LRR1: variants seen among roughly 807,000 people sequenced by gnomAD.
LRR1 encodes leucine rich repeat protein 1.
LRR1 carries 29 observed loss-of-function variants against 31.6 expected under a neutral mutation model. The observed-to-expected ratio is 0.92, with a 90% CI of 0.68 to 1.25. The LOEUF (loss-of-function observed/expected upper bound fraction) is 1.25. Among genes scored for constraint, LRR1 ranks in the 50% most tolerant of loss-of-function variants. The probability of loss-of-function intolerance (pLI) is 0.00; values close to 1 mark genes in which losing one functional copy is unlikely to be tolerated. For missense variants in LRR1, 485 were observed against 487.2 expected (o/e 1.00, Z 0.04); for synonymous variants, 179 against 181.4 (o/e 0.99, Z 0.10).
chr14:49,608,933 G>A, intron 3 of LRR1, among the ~76,000 whole-genome samples: 1 of 118,642 alleles, frequency 8.4e-6, no homozygotes, highest in South Asian at 2.7e-4. Flanking sequence ...TTTTGAGATG[G>A]AGTCTCACTC....
intron 3 of LRR1, chr14:49,612,514 A>C (rs1226957290): frequency 8.0e-7 from 1 of 1,254,104 alleles, no homozygotes. Context: ...TGTGGGAGAC[A>C]CTCCCTGGCA....
At chr14:49,599,878 CGCGGCGTGGA>C (rs1381305070) in intron 1 of LRR1, 2 of 597,468 alleles carry the variant, frequency 3.3e-6, no homozygotes, top group Non-Finnish European at 4.7e-6. Context: ...GGGGCGGCCC[CGCGGCGTGGA>C]GCGGCGGCGA....
rs541452211 is a variant in LRR1 at position 49,602,189 on chromosome 14, G to T, written c.184-181G>T. Among the ~76,000 whole-genome samples, 30 of 83,616 alleles carry T rather than the reference G, an allele frequency of 3.6e-4. 1 individual carries two copies. The highest frequency in any genetic ancestry group is 1.3e-3 in the African/African-American group (28 of 20,834). 54.9% of individuals were successfully genotyped at this position (83,616 alleles called of 152,430 possible). A position where few individuals can be genotyped will look rare whatever the true frequency, so the allele number is the denominator to read the frequency against. ...TTTTGAGAAGGAGTCTCTTTCTGTT[G>T]CCCAGCCTGGAGTGCAGTGGCGTGA... is the stretch of plus-strand genomic sequence containing the variant. On this transcript the variant is annotated intron_variant, in intron 1 of 3. Transcript: ENST00000298288.
intron 1 of LRR1, chr14:49,601,568 C>T: frequency 3.2e-6 from 4 of 1,238,020 alleles, no homozygotes; most frequent in Non-Finnish European, 4.2e-6. Flanking sequence ...GCAAAGGAGA[C>T]AAGATTCCTG....
Position 49,608,042 on chromosome 14 carries a change from C to T in LRR1, c.925C>T (p.Pro309Ser), listed in dbSNP as rs746681808. 5.6e-6 allele frequency: 9 copies of T among 1,612,120 alleles called. No homozygotes were observed. Among genetic ancestry groups the T allele is most frequent in the Non-Finnish European group, 6.8e-6 (8 of 1,179,364 alleles). Residue 309 changes from proline to serine, a missense_variant, in exon 3 of 4, where the codon CCA (proline) becomes TCA (serine). Transcript: ENST00000298288. ...TCTTTTTGGAAATACTTTTGAACAA[C>T]CAAAAGTCCTTCCAGTAATAAAGCT... ...LDLFGNTFEQ[P>S]KVLPVIKLQA... is the part of the protein sequence containing the mutation.
intron 3 of LRR1, among the ~76,000 whole-genome samples, chr14:49,609,635 C>G (rs535962132): frequency 4.0e-5 from 6 of 151,890 alleles, no homozygotes; most frequent in Non-Finnish European, 7.4e-5. Flanking sequence ...TCTTGAACTC[C>G]TGACCTTGTG....
chr14:49,614,448 T>A lies in LRR1; in HGVS notation c.1197T>A (p.Tyr399Ter), dbSNP rs985809589. Residue 399 changes from tyrosine to a stop codon, truncating the protein, a stop_gained, in exon 4 of 4, where the codon TAT becomes TAA. Transcript: ENST00000298288. LOFTEE classifies it high-confidence loss of function. ...GTACTGAAGCACCTATTATCTCTTATTTCTGTTCTCTAGGCTGTTATGTTA... is the reference window on the plus strand; with the variant it reads ...GTACTGAAGCACCTATTATCTCTTAATTCTGTTCTCTAGGCTGTTATGTTA... ...LGGTEAPIISYFCSLGCYVNS... is the reference protein window; with the variant it reads ...LGGTEAPIIS The A allele has an allele frequency of 1.9e-6, 3 of 1,613,914 alleles. No individual in the cohort carries two copies. The highest frequency in any genetic ancestry group is 2.5e-6 in the Non-Finnish European group (3 of 1,179,948).
intron 2 of LRR1, among the ~76,000 whole-genome samples, chr14:49,606,925 G>A (rs1405092738): frequency 1.3e-5 from 2 of 152,106 alleles, no homozygotes; most frequent in African/African-American, 4.8e-5. Context: ...CCAAAGTGCT[G>A]GGATTACAGG....
In LRR1 at chr14:49,612,273, C is replaced by T. The variant is rs116831413; in HGVS notation, c.1005-1983C>T. ...GAACCTTTGTTGAAGTATAATGTTG[C>T]GTGTTTTAAGCTCCCTTGTTTTAAA... On this transcript the variant is annotated intron_variant, in intron 3 of 3. Transcript: ENST00000298288. Among the ~76,000 whole-genome samples the T allele has an allele frequency of 4.9e-3, 739 of 152,214 alleles. 10 individuals carry two copies. The highest frequency in any genetic ancestry group is 0.017 in the African/African-American group (709 of 41,514).
Position 49,602,357 on chromosome 14 carries a change from T to TG in LRR1, c.184-11dup. ...ATTAGTTTTCTTCTTTTTTTTCTAT[T>TG]GGTTTTATGCAGCTAAGGGAGAACA... On this transcript the variant is annotated splice_polypyrimidine_tract_variant and intron_variant, in intron 1 of 3. Coordinates refer to ENST00000298288, the MANE Select transcript of LRR1 (RefSeq NM_152329.4). 1 of 1,598,892 alleles carries TG rather than the reference T, an allele frequency of 6.3e-7. No individual in the cohort carries two copies. Among genetic ancestry groups the TG allele is most frequent in the Non-Finnish European group, 8.6e-7 (1 of 1,168,796 alleles).
intron 3 of LRR1, among the ~76,000 whole-genome samples, chr14:49,610,292 CTGGAGTGCAGTGCGCAAGCGG>C (rs1444831045): frequency 4.2e-4 from 6 of 14,266 alleles, no homozygotes; most frequent in African/African-American, 1.7e-3. Context: ...GTTGCCCAGG[CTGGAGTGCAGTGCGCAAGCGG>C]CTGGAGTGCA....
intron 3 of LRR1, chr14:49,612,596 A>G (rs1480198533): frequency 1.0e-5 from 12 of 1,158,370 alleles, no homozygotes; most frequent in East Asian, 1.3e-4. Context: ...AAAATTGCAA[A>G]TAGGGCCATC....
At chr14:49,613,386 T>C (rs1882586156) in intron 3 of LRR1, among the ~76,000 whole-genome samples, 1 of 150,056 alleles carries the variant, frequency 6.7e-6, no homozygotes, top group Non-Finnish European at 1.5e-5. Context: ...GTGCCTGTAA[T>C]CCCAGCTACT....
At chr14:49,613,399 G>A (rs1882586778) in intron 3 of LRR1, among the ~76,000 whole-genome samples, 1 of 152,006 alleles carries the variant, frequency 6.6e-6, no homozygotes, top group Non-Finnish European at 1.5e-5. Flanking sequence ...CAGCTACTCG[G>A]GAGGCTGAGG....
At chr14:49,601,073 C>T in intron 1 of LRR1, 3 of 1,611,392 alleles carry the variant, frequency 1.9e-6, no homozygotes, top group Non-Finnish European at 2.5e-6. Flanking sequence ...ATAACAAGGC[C>T]AGCCACGTAG....
chr14:49,613,502 C>T (rs980071318), intron 3 of LRR1, among the ~76,000 whole-genome samples: 1 of 146,736 alleles, frequency 6.8e-6, no homozygotes, highest in Non-Finnish European at 1.5e-5. Flanking sequence ...GAGACTCCAT[C>T]TCAAAAAAAA....
intron 2 of LRR1, among the ~76,000 whole-genome samples, chr14:49,604,139 CAAA>C (rs770594061): frequency 8.4e-6 from 1 of 119,436 alleles, no homozygotes; most frequent in Non-Finnish European, 1.8e-5. Context: ...CCTGTCTCCA[CAAA>C]AAAAAAAAAA....
chr14:49,608,022 T>C lies in LRR1; in HGVS notation c.905T>C (p.Phe302Ser). ...RNLSLEYLDL[F>S]GNTFEQPKVL... ...TTATCCCTTGAATACTTGGATCTTT[T>C]TGGAAATACTTTTGAACAACCAAAA... The change falls in exon 3 of 4, where the codon TTT becomes TCT. Residue 302 changes from phenylalanine (F) to serine (S), a missense_variant. Coordinates refer to ENST00000298288, the MANE Select transcript of LRR1 (RefSeq NM_152329.4). 1.2e-6 allele frequency: 2 copies of C among 1,613,680 alleles called. No homozygotes were observed. The highest frequency in any genetic ancestry group is 1.7e-6 in the Non-Finnish European group (2 of 1,179,886).
At chr14:49,608,402 CTTGATTTTTTTTT>C (rs1882370518) in intron 3 of LRR1, among the ~76,000 whole-genome samples, 1 of 26,578 alleles carries the variant, frequency 3.8e-5, no homozygotes, top group Non-Finnish European at 7.2e-5. Flanking sequence ...CCTTACATTG[CTTGATTTTTTTTT>C]TTTTTTTTTT....
Sources: allele counts gnomAD v4.1 joint callset (sites outside exome capture counted in the v4.1 genomes callset), GRCh38; gene constraint gnomAD v4.1.1; transcripts MANE v1.5; gene names NCBI Gene and HGNC (gene_info 2026-07-23, HGNC 2026-07-21).